PUM2: variants seen among roughly 807,000 people sequenced by gnomAD.
PUM2 encodes the protein pumilio homolog 2.
A neutral mutation model predicts 124.5 loss-of-function variants in PUM2; 57 were observed. The ratio of observed to expected loss-of-function variants is 0.46; its 90% confidence interval spans 0.37 to 0.57. PUM2 has a LOEUF of 0.57. Ranked by LOEUF, PUM2 falls within the 20% of genes least tolerant of loss-of-function variation. PUM2 has a pLI of 0.00. For synonymous variants in PUM2, 460 were observed against 446.1 expected (o/e 1.03, Z -0.39); for missense variants, 1,065 against 1,290.6 (o/e 0.83, Z 2.68).
chr2:20,254,084 G>GA (rs1388106088), intron 19 of PUM2, 70 bp from the exon 20 acceptor site: 2 of 1,320,848 alleles, frequency 1.5e-6, no homozygotes, highest in African/African-American at 3.0e-5. Flanking sequence ...TTGACTTATA[G>GA]AAAGAATCTT....
intron 12 of PUM2, among the ~76,000 whole-genome samples, chr2:20,282,126 C>T (rs892150704): frequency 6.6e-6 from 1 of 152,192 alleles, no homozygotes; most frequent in Admixed American, 6.5e-5. Flanking sequence ...ACCGATAGAA[C>T]TGGGTCAGCT....
intron 1 of PUM2, among the ~76,000 whole-genome samples, chr2:20,333,610 A>G (rs144431277): frequency 1.0e-3 from 153 of 152,292 alleles, no homozygotes; most frequent in African/African-American, 3.5e-3. Context: ...GGACATTTAC[A>G]TTATTAAAAG....
At chr2:20,259,227 G>T (rs1665592581) in intron 15 of PUM2, among the ~76,000 whole-genome samples, 1 of 152,170 alleles carries the variant, frequency 6.6e-6, no homozygotes, top group African/African-American at 2.4e-5. Flanking sequence ...TTTCAAATAT[G>T]AATCAGGATT....
chr2:20,299,886 A>G (rs759983356), intron 7 of PUM2, among the ~76,000 whole-genome samples: 2 of 152,214 alleles, frequency 1.3e-5, no homozygotes, highest in Non-Finnish European at 2.9e-5. Context: ...CCATAGGTAC[A>G]TTTTAAAATT....
At chr2:20,350,412 C>G in intron 1 of PUM2, 185 bp downstream of exon 1, 2 of 914,938 alleles carry the variant, frequency 2.2e-6, no homozygotes, top group Middle Eastern at 5.7e-4. Context: ...CGCACACCCC[C>G]TTCCGGCACC....
At chr2:20,326,438 C>G in intron 2 of PUM2, 1 of 1,300,458 alleles carries the variant, frequency 7.7e-7, no homozygotes. Flanking sequence ...TCTATTCTAC[C>G]AAGGTAAAAT....
chr2:20,292,040 A>G (rs1204670244), intron 9 of PUM2, among the ~76,000 whole-genome samples: 1 of 149,654 alleles, frequency 6.7e-6, no homozygotes. Context: ...TGCCTGGTAC[A>G]TCTGGTATGC....
intron 14 of PUM2, among the ~76,000 whole-genome samples, chr2:20,261,422 A>AAAAAAAAAAAC (rs1666230432): frequency 6.9e-6 from 1 of 144,616 alleles, no homozygotes; most frequent in Non-Finnish European, 1.5e-5. Flanking sequence ...AAAAAAAAAA[A>AAAAAAAAAAAC]GTGTAGTACA....
intron 13 of PUM2, among the ~76,000 whole-genome samples, chr2:20,271,534 G>A (rs556884604): frequency 9.9e-5 from 15 of 151,928 alleles, no homozygotes; most frequent in Admixed American, 2.6e-4. Context: ...GGCTGGTCTC[G>A]AACTCCTGAG....
chr2:20,329,981 T>C (rs1184410895), intron 1 of PUM2, among the ~76,000 whole-genome samples: 1 of 150,646 alleles, frequency 6.6e-6, no homozygotes, highest in Admixed American at 6.6e-5. Flanking sequence ...AGAAGCCCCA[T>C]GGACACCAGA....
chr2:20,288,412 T>C (rs1340124403), intron 10 of PUM2, among the ~76,000 whole-genome samples: 1 of 152,204 alleles, frequency 6.6e-6, no homozygotes, highest in African/African-American at 2.4e-5. Flanking sequence ...ATATTAGAGA[T>C]ACTGCAAAGG....
intron 10 of PUM2, among the ~76,000 whole-genome samples, chr2:20,290,127 A>G (rs1673657441): frequency 6.6e-6 from 1 of 152,220 alleles, no homozygotes; most frequent in Admixed American, 6.5e-5. Context: ...GAAATTTTAT[A>G]CTGTAATTTT....
intron 13 of PUM2, among the ~76,000 whole-genome samples, chr2:20,276,530 C>T (rs1445400732): frequency 1.3e-5 from 2 of 151,772 alleles, no homozygotes; most frequent in African/African-American, 2.4e-5. Flanking sequence ...AGTAAAATTA[C>T]TTTAAAAATA....
intron 1 of PUM2, among the ~76,000 whole-genome samples, chr2:20,342,455 TA>T (rs140458883): frequency 0.25 from 37,371 of 152,132 alleles, 5,288 homozygotes; most frequent in Non-Finnish European, 0.32. Context: ...TAAAACTGTT[TA>T]ACCTTAACCC....
intron 7 of PUM2, among the ~76,000 whole-genome samples, chr2:20,304,150 T>C (rs1408163185): frequency 1.3e-5 from 2 of 152,210 alleles, no homozygotes; most frequent in African/African-American, 2.4e-5. Context: ...AGCTCTTACA[T>C]GGTTACTACA....
intron 1 of PUM2, among the ~76,000 whole-genome samples, chr2:20,333,734 G>A (rs1461140040): frequency 6.6e-6 from 1 of 152,082 alleles, no homozygotes; most frequent in South Asian, 2.1e-4. Flanking sequence ...GCAACATAGC[G>A]AGACCCTGAG....
At position 20,263,432 on chromosome 2, in the gene PUM2, A is replaced by G. The variant is rs976823814; in HGVS notation, c.1986T>C (p.Tyr662=). ...CTTCTGCTCCAGGTGCTGCAGAGATATATCGACCACTACCATTTGTCAGTC... is the reference window on the plus strand; with the variant it reads ...CTTCTGCTCCAGGTGCTGCAGAGATGTATCGACCACTACCATTTGTCAGTC... ...LGGLTNGSGR[Y]ISAAPGAEAK... The change falls in exon 14 of 21, where the codon TAT becomes TAC. Residue 662 remains tyrosine (Y), a synonymous_variant. Coordinates refer to ENST00000361078, the MANE Select transcript of PUM2 (RefSeq NM_015317.5). The G allele has an allele frequency of 1.2e-6, 2 of 1,613,410 alleles. No individual in the cohort carries two copies. Among genetic ancestry groups the G allele is most frequent in the Admixed American group, 1.7e-5 (1 of 60,018 alleles).
intron 5 of PUM2, among the ~76,000 whole-genome samples, chr2:20,309,157 C>T (rs941305082): frequency 2.0e-5 from 3 of 152,130 alleles, no homozygotes; most frequent in African/African-American, 7.2e-5. Flanking sequence ...AGTCAAAAGG[C>T]TGACTTCTGA....
rs151311593 is a variant in PUM2, at chr2:20,334,711, G to A, written c.-18-7333C>T. Among the ~76,000 whole-genome samples the A allele has an allele frequency of 1.2e-3, 183 of 152,226 alleles. 2 individuals carry two copies. The East Asian group carries it at 0.032, about 27-fold the overall frequency. On this transcript the variant is annotated intron_variant, in intron 1 of 20. Coordinates refer to ENST00000361078, the MANE Select transcript of PUM2 (RefSeq NM_015317.5). ...CATAAGGACAATGAACAAGGCTTTC[G>A]CTTAGACTTTTTGTACTGCTGAAGA...
Sources: allele counts gnomAD v4.1 joint callset (sites outside exome capture counted in the v4.1 genomes callset), GRCh38; gene constraint gnomAD v4.1.1; transcripts MANE v1.5; gene names NCBI Gene and HGNC (gene_info 2026-07-23, HGNC 2026-07-21).